Variants in MTMR6 observed in about 807,000 individuals in gnomAD.
MTMR6 encodes the protein phosphatidylinositol-3,5-bisphosphate 3-phosphatase MTMR6.
Under a neutral mutation model 80.1 loss-of-function variants are expected in MTMR6, and 47 were observed. The ratio of observed to expected loss-of-function variants is 0.59; its 90% CI spans 0.46 to 0.75. MTMR6 has a LOEUF of 0.75. MTMR6 is among the 30% of genes least tolerant of loss of function. MTMR6 has a pLI of 0.00. For synonymous variants in MTMR6, 254 were observed against 253.0 expected, an observed-to-expected ratio of 1.00 and a Z score of -0.04; for missense variants, 629 against 730.9, an observed-to-expected ratio of 0.86 and a Z score of 1.61.
intron 2 of MTMR6, among the ~76,000 whole-genome samples, chr13:25,273,359 ATGT>A (rs2137596734): frequency 6.6e-6 from 1 of 152,240 alleles, no homozygotes; most frequent in African/African-American, 2.4e-5. Context: ...AATACACAAA[ATGT>A]TGTTTACATG....
intron 13 of MTMR6, 22 bp from the exon 14 acceptor site, chr13:25,249,514 A>T (rs1386570090): frequency 1.2e-6 from 2 of 1,602,304 alleles, no homozygotes; most frequent in Non-Finnish European, 1.7e-6. Context: ...ACAAATTTGA[A>T]AAAATTACTA....
rs1230683753 is a variant in MTMR6 at position 25,248,281 on chromosome 13, G to A, written c.*951C>T. 1 of 152,046 alleles carries A rather than the reference G, an allele frequency of 6.6e-6. No individual in the cohort carries two copies. Among genetic ancestry groups the A allele is most frequent in the Non-Finnish European group, 1.5e-5 (1 of 67,962 alleles). The allele number at this position is 152,046 out of a possible 1,614,324, so 9.4% of individuals were successfully genotyped here. ...CAGCAACTCATTGAGCAATAAGGCAGTTTAAAAATATACATATACATGTAC... is the reference window on the plus strand; with the variant it reads ...CAGCAACTCATTGAGCAATAAGGCAATTTAAAAATATACATATACATGTAC... On this transcript the variant is annotated 3_prime_UTR_variant, in exon 14 of 14. Transcript: ENST00000381801.
At chr13:25,284,828 C>T (rs2137647003) in intron 1 of MTMR6, among the ~76,000 whole-genome samples, 1 of 152,268 alleles carries the variant, frequency 6.6e-6, no homozygotes, top group African/African-American at 2.4e-5. Flanking sequence ...ACAGAATGTA[C>T]CCTGAGGTCC....
Position 25,258,803 on chromosome 13 carries a change from C to T in MTMR6, c.727-111G>A, listed in dbSNP as rs191649079. ...TTAGCTAGGAGGCAGTTTAAAGGAACTCATCAAAACTGAATAAGCTACCAT... is the reference window on the plus strand; with the variant it reads ...TTAGCTAGGAGGCAGTTTAAAGGAATTCATCAAAACTGAATAAGCTACCAT... On this transcript the variant is annotated intron_variant, in intron 6 of 13. Coordinates refer to ENST00000381801, the MANE Select transcript of MTMR6 (RefSeq NM_004685.5). 3 of 831,256 alleles carry T rather than the reference C, an allele frequency of 3.6e-6. No homozygotes were observed. The African/African-American group carries it at 5.4e-5, about 15-fold the overall frequency. The allele number at this position is 831,256 out of a possible 1,614,324, so 51.5% of individuals were successfully genotyped here.
At position 25,257,242 on chromosome 13, in the gene MTMR6, C is replaced by T; in HGVS notation, c.1049G>A (p.Gly350Asp). ...WDRTSQVCSL[G>D]SLLLDSYYRT... ...GTAGTAGGAATCCAATAAAAGAGAA[C>T]CCAGGGAACAAACCTGGGAAGTCCT... Residue 350 changes from glycine (G) to aspartate (D), a missense_variant, in exon 9 of 14, where the codon GGT (glycine) becomes GAT (aspartate). Gly to Asp is a moderately conservative substitution (Grantham distance 94, BLOSUM62 -1). Transcript: ENST00000381801. 1 of 1,613,922 alleles carries T rather than the reference C, an allele frequency of 6.2e-7. No homozygotes were observed. Among genetic ancestry groups the T allele is most frequent in the Non-Finnish European group, 8.5e-7 (1 of 1,179,886 alleles).
Position 25,249,482 on chromosome 13 carries a change from T to C in MTMR6, c.1616A>G (p.Gln539Arg). ...GCCATCTGTTTGCTTATTTTTGCGTTGTTTAATTTTCTAGAACAAACACAA... is the reference window on the plus strand; with the variant it reads ...GCCATCTGTTTGCTTATTTTTGCGTCGTTTAATTTTCTAGAACAAACACAA... ...DIKDLESKIK[Q>R]RKNKQTDGIL... The change falls in exon 14 of 14, where the codon CAA becomes CGA. Residue 539 changes from glutamine to arginine, a missense_variant. Coordinates refer to ENST00000381801, the MANE Select transcript of MTMR6 (RefSeq NM_004685.5). 1 of 1,611,030 alleles carries C rather than the reference T, an allele frequency of 6.2e-7. No individual in the cohort carries two copies. Among genetic ancestry groups the C allele is most frequent in the Non-Finnish European group, 8.5e-7 (1 of 1,177,644 alleles).
Position 25,267,655 on chromosome 13 carries a change from G to A in MTMR6, c.304+124C>T, listed in dbSNP as rs17082066. 1,443 of 933,848 alleles carry A rather than the reference G, an allele frequency of 1.5e-3. 15 individuals are homozygous for A. In the African/African-American group the frequency reaches 0.021, roughly 13 times the overall value. The allele number at this position is 933,848 out of a possible 1,614,324, so 57.8% of individuals were successfully genotyped here. A position where few individuals can be genotyped will look rare whatever the true frequency, so the allele number is the denominator to read the frequency against. On this transcript the variant is annotated intron_variant, in intron 3 of 13. Coordinates refer to ENST00000381801, the MANE Select transcript of MTMR6 (RefSeq NM_004685.5). ...TTCAGGCCAATATGGGGGAGATAGAGTACAAAAGAACCTGACTGTCAGAGC... is the reference window on the plus strand; with the variant it reads ...TTCAGGCCAATATGGGGGAGATAGAATACAAAAGAACCTGACTGTCAGAGC...
At position 25,274,088 on chromosome 13, in the gene MTMR6, G is replaced by A. The variant is rs542253884; in HGVS notation, c.124C>T (p.His42Tyr). 211 of 1,603,252 alleles carry A rather than the reference G, an allele frequency of 1.3e-4. 1 individual carries two copies. In the South Asian group the frequency reaches 2.3e-3, roughly 17 times the overall value. Residue 42 changes from histidine (H) to tyrosine (Y), a missense_variant, in exon 2 of 14, where the codon CAT (histidine) becomes TAT (tyrosine). Physicochemically the swap from His to Tyr is moderately conservative, Grantham distance 83. Coordinates refer to ENST00000381801, the MANE Select transcript of MTMR6 (RefSeq NM_004685.5). ...CTCCTTACCCAGGTTTCTTTTTGAT[G>A]AGAGTCGATAAATAATAGATGTGTA... ...TATHLLFIDS[H>Y]QKETWILHHH...
intron 2 of MTMR6, among the ~76,000 whole-genome samples, 177 bp downstream of exon 2, chr13:25,273,894 C>A (rs1483080021): frequency 6.6e-6 from 1 of 152,088 alleles, no homozygotes; most frequent in East Asian, 1.9e-4. Context: ...TTCCATGTTA[C>A]ATATTCTATA....
At chr13:25,249,823 G>T (rs1326867024) in intron 13 of MTMR6, among the ~76,000 whole-genome samples, 1 of 152,132 alleles carries the variant, frequency 6.6e-6, no homozygotes, top group East Asian at 1.9e-4. Context: ...AAAGAAATGT[G>T]TATGAAACAT....
intron 1 of MTMR6, among the ~76,000 whole-genome samples, chr13:25,284,228 G>A (rs1371735994): frequency 2.0e-5 from 3 of 152,096 alleles, no homozygotes; most frequent in Non-Finnish European, 4.4e-5. Context: ...ATTAAAACTA[G>A]AGAGGCACTG....
Position 25,261,699 on chromosome 13 carries a change from C to A in MTMR6, c.695G>T (p.Arg232Leu). ...CCTGGTATCCATGACGTACATATAG[C>A]GATTGACTGGATTGGCTTTACTAAT... is the stretch of plus-strand genomic sequence containing the variant. ...QAISKANPVN[R>L]YMYVMDTRPK... Residue 232 changes from arginine to leucine, a missense_variant, in exon 6 of 14, where the codon CGC becomes CTC. Physicochemically the swap from Arg to Leu is moderately radical, Grantham distance 102. Coordinates refer to ENST00000381801, the MANE Select transcript of MTMR6 (RefSeq NM_004685.5). 3.7e-6 allele frequency: 6 copies of A among 1,613,262 alleles called. No individual in the cohort carries two copies. Among genetic ancestry groups the A allele is most frequent in the Non-Finnish European group, 5.1e-6 (6 of 1,179,490 alleles).
chr13:25,287,132 G>A (rs760061910), intron 1 of MTMR6, 92 bp downstream of exon 1: 27 of 1,515,650 alleles, frequency 1.8e-5, no homozygotes, highest in Non-Finnish European at 2.4e-5. Context: ...CCGGCTCCCA[G>A]CCCCAGTCAG....
rs1366667328 is a variant in MTMR6 at position 25,246,579 on chromosome 13, T to C, written c.*2653A>G. 1 of 152,572 alleles carries C rather than the reference T, an allele frequency of 6.6e-6. No homozygotes were observed. The allele number at this position is 152,572 out of a possible 1,614,324, so 9.5% of individuals were successfully genotyped here. On this transcript the variant is annotated 3_prime_UTR_variant, in exon 14 of 14. Transcript: ENST00000381801. ...TTGCGGTTTTTGTCATCACTTTCAATGGCAAAAGCCCCAATTACTTTTGCA... is the reference window on the plus strand; with the variant it reads ...TTGCGGTTTTTGTCATCACTTTCAACGGCAAAAGCCCCAATTACTTTTGCA...
chr13:25,271,387 C>T (rs1041406016), intron 2 of MTMR6, among the ~76,000 whole-genome samples: 1 of 152,152 alleles, frequency 6.6e-6, no homozygotes, highest in African/African-American at 2.4e-5. Flanking sequence ...GACATAGTCA[C>T]CCAAGCAGTG....
intron 13 of MTMR6, among the ~76,000 whole-genome samples, chr13:25,250,753 T>C (rs1566033824): frequency 6.6e-6 from 1 of 152,178 alleles, no homozygotes; most frequent in Non-Finnish European, 1.5e-5. Context: ...TTGAGCAAAA[T>C]GAAGCACATA....
At chr13:25,275,478 G>T (rs569446581) in intron 1 of MTMR6, among the ~76,000 whole-genome samples, 2 of 151,924 alleles carry the variant, frequency 1.3e-5, no homozygotes, top group Non-Finnish European at 2.9e-5. Context: ...GCAGGTTGCA[G>T]ACAGTTTTTT....
chr13:25,263,973 G>A (rs1415608968), intron 5 of MTMR6, among the ~76,000 whole-genome samples: 1 of 152,138 alleles, frequency 6.6e-6, no homozygotes, highest in Non-Finnish European at 1.5e-5. Flanking sequence ...GCTTGAATAT[G>A]AGAACTCAGC....
In MTMR6 at chr13:25,280,063, A is replaced by AG. The variant is rs1012367784; in HGVS notation, c.25-5877dup. On this transcript the variant is annotated intron_variant, in intron 1 of 13. Coordinates refer to ENST00000381801, the MANE Select transcript of MTMR6 (RefSeq NM_004685.5). ...GGGCCTGGAGTAAGCTGTGACAGAGAGGAAGTCCATCTTGAGATAATAACA... is the reference window on the plus strand; with the variant it reads ...GGGCCTGGAGTAAGCTGTGACAGAGAGGGAAGTCCATCTTGAGATAATAACA... Among the ~76,000 whole-genome samples, 15 of 152,326 alleles carry AG rather than the reference A, an allele frequency of 9.8e-5. 2 individuals carry two copies. Among genetic ancestry groups the AG allele is most frequent in the Admixed American group, 9.8e-4 (15 of 15,296 alleles).
Sources: gnomAD v4.1 joint callset for allele counts (sites outside exome capture counted in the v4.1 genomes callset) on GRCh38, gnomAD v4.1.1 for gene constraint, MANE v1.5 for transcripts, NCBI Gene and HGNC (gene_info 2026-07-23, HGNC 2026-07-21) for gene names.